CCDC85C: variants seen among roughly 807,000 people sequenced by gnomAD.
CCDC85C encodes coiled-coil domain containing 85C, also known as coiled-coil domain-containing protein 85C.
CCDC85C carries 18 observed loss-of-function variants against 38.3 expected under a neutral mutation model. The ratio of observed to expected loss-of-function variants is 0.47; its 90% CI spans 0.33 to 0.70. The LOEUF is 0.70. Ranked by LOEUF, CCDC85C falls within the 30% of genes least tolerant of loss-of-function variation. The pLI is 0.03. For missense variants in CCDC85C, 566 were observed against 621.2 expected (o/e 0.91, Z 0.94); for synonymous variants, 264 against 293.8 (o/e 0.90, Z 1.04).
intron 1 of CCDC85C, among the ~76,000 whole-genome samples, chr14:99,553,589 T>C (rs1167048249): frequency 1.3e-5 from 2 of 152,178 alleles, no homozygotes; most frequent in Non-Finnish European, 2.9e-5. Context: ...GGTCTCGAAC[T>C]CCTGACCTCA....
rs183725218 is a variant in CCDC85C at position 99,591,907 on chromosome 14, T to C, written c.793+11260A>G. ...GTACCACCATGCCCAGCTAATTTTG[T>C]ATTTTTAGTAGAGATGAGGTTTCAC... is the stretch of plus-strand genomic sequence containing the variant. On this transcript the variant is annotated intron_variant, in intron 1 of 5. Coordinates refer to ENST00000380243, the MANE Select transcript of CCDC85C (RefSeq NM_001144995.2). Among the ~76,000 whole-genome samples the C allele has an allele frequency of 2.7e-3, 412 of 152,136 alleles. 1 individual carries two copies. Among genetic ancestry groups the C allele is most frequent in the African/African-American group, 9.7e-3 (402 of 41,476 alleles).
In CCDC85C at chr14:99,535,583, G is replaced by C. The variant is rs1305351969; in HGVS notation, c.867+432C>G. Among the ~76,000 whole-genome samples the C allele has an allele frequency of 6.6e-6, 1 of 152,144 alleles. No homozygotes were observed. Among genetic ancestry groups the C allele is most frequent in the Non-Finnish European group, 1.5e-5 (1 of 68,012 alleles). On this transcript the variant is annotated intron_variant, in intron 2 of 5. Coordinates refer to ENST00000380243, the MANE Select transcript of CCDC85C (RefSeq NM_001144995.2). This position sits in a 1 kb window ranked among gnomAD's most constrained non-coding sequence, Gnocchi z 5.5. ...AGGGGTAGCAGCCTCATCTGTCTGT[G>C]GGTGAGGTCGGGCCCAGGAGGGAGG...
rs1443088474 is a variant in CCDC85C, at chr14:99,542,200, A to G, written c.794-6112T>C. ...ATTAAGAGGAGTCAGCTGCAGCCTC[A>G]GGGCTGGTGGCTCCATGAGGTGGAA... On this transcript the variant is annotated intron_variant, in intron 1 of 5. Transcript: ENST00000380243. 2.6e-5 allele frequency among the ~76,000 whole-genome samples: 4 copies of G among 152,360 alleles called. No individual in the cohort carries two copies. The East Asian group carries it at 7.7e-4, about 29-fold the overall frequency.
chr14:99,593,774 G>C (rs1005334324), intron 1 of CCDC85C, among the ~76,000 whole-genome samples: 3 of 152,240 alleles, frequency 2.0e-5, no homozygotes, highest in African/African-American at 7.2e-5. Context: ...TCCTGGCTCT[G>C]GCCACCCAGC....
At chr14:99,517,524 G>C (rs1042020752) in intron 3 of CCDC85C, among the ~76,000 whole-genome samples, 3 of 152,200 alleles carry the variant, frequency 2.0e-5, no homozygotes, top group Admixed American at 6.5e-5. Flanking sequence ...TCAGCCTAGG[G>C]AGGGCAAGAG....
At chr14:99,546,529 C>T (rs550699700) in intron 1 of CCDC85C, among the ~76,000 whole-genome samples, 1 of 152,226 alleles carries the variant, frequency 6.6e-6, no homozygotes, top group Non-Finnish European at 1.5e-5. Flanking sequence ...CATCTGGCAG[C>T]AGCAACACAT....
intron 1 of CCDC85C, among the ~76,000 whole-genome samples, chr14:99,589,533 A>T (rs766577587): frequency 9.9e-5 from 15 of 152,150 alleles, no homozygotes; most frequent in Non-Finnish European, 4.4e-5. Context: ...TCCTACCTGG[A>T]TTCTTCATCT....
Position 99,603,445 on chromosome 14 carries a change from C to T in CCDC85C, c.515G>A (p.Gly172Asp), listed in dbSNP as rs2055231145. 5 of 1,271,782 alleles carry T rather than the reference C, an allele frequency of 3.9e-6. No individual in the cohort carries two copies. The Admixed American group carries it at 1.2e-4, about 30-fold the overall frequency. The allele number at this position is 1,271,782 out of a possible 1,614,324, so 78.8% of individuals were successfully genotyped here. ...GATGGAGCTGCGGGAGCCGGCGCCGCCCCCGCCGCCGCCGCCACCGCTTGC... is the reference window on the plus strand; with the variant it reads ...GATGGAGCTGCGGGAGCCGGCGCCGTCCCCGCCGCCGCCGCCACCGCTTGC... ...GAASGGGGGG[G>D]GAGSRSSIDS... The change falls in exon 1 of 6, where the codon GGC (glycine) becomes GAC (aspartate). Residue 172 changes from glycine to aspartate, a missense_variant. Gly to Asp is a moderately conservative substitution (Grantham distance 94). This residue lies in a region of CCDC85C where 269 missense variants were observed against 308.2 expected (regional missense o/e 0.87). Transcript: ENST00000380243. This position sits in a 1 kb window ranked among gnomAD's most constrained non-coding sequence, Gnocchi z 7.5.
chr14:99,503,198 C>A lies in CCDC85C; in HGVS notation c.*12048G>T, dbSNP rs868561000. 5 of 701,516 alleles carry A rather than the reference C, an allele frequency of 7.1e-6. No individual in the cohort carries two copies. Among genetic ancestry groups the A allele is most frequent in the Middle Eastern group, 7.3e-4 (2 of 2,730 alleles). 43.5% of individuals were successfully genotyped at this position (701,516 alleles called of 1,614,324 possible). On this transcript the variant is annotated 3_prime_UTR_variant, in exon 6 of 6. Transcript: ENST00000380243. ...GAGAACCAGGAGGGGGCTCTCTGCC[C>A]GGCTCCAGCCCTGCTGCCTGTTTCA...
intron 1 of CCDC85C, among the ~76,000 whole-genome samples, chr14:99,538,887 C>T (rs1897658229): frequency 6.6e-6 from 1 of 152,188 alleles, no homozygotes; most frequent in Admixed American, 6.5e-5. Flanking sequence ...AATGCCCTGC[C>T]TGCCCATAGC....
intron 1 of CCDC85C, among the ~76,000 whole-genome samples, chr14:99,552,768 T>G (rs1172898916): frequency 6.6e-6 from 1 of 152,204 alleles, no homozygotes; most frequent in African/African-American, 2.4e-5. Context: ...ATCATCGCCC[T>G]TTGGACCCAA....
chr14:99,518,978 C>G (rs1287995343), intron 3 of CCDC85C, among the ~76,000 whole-genome samples: 1 of 152,156 alleles, frequency 6.6e-6, no homozygotes, highest in Non-Finnish European at 1.5e-5. Flanking sequence ...TACTAGAACT[C>G]AGCCCCCTCG....
At position 99,535,961 on chromosome 14, in the gene CCDC85C, G is replaced by A. The variant is rs2139918240; in HGVS notation, c.867+54C>T. On this transcript the variant is annotated intron_variant, in intron 2 of 5. Transcript: ENST00000380243. The surrounding 1 kb of genome is among the most constrained non-coding windows in gnomAD (Gnocchi z 5.5). Reference sequence around the variant, plus strand: ...GGAAGGGTGCCCTGGGTGAGCTGGAGGGGTGGGTGCTGGGTCGCGGTCCTC... The same window carrying A: ...GGAAGGGTGCCCTGGGTGAGCTGGAAGGGTGGGTGCTGGGTCGCGGTCCTC... The A allele has an allele frequency of 1.5e-6, 2 of 1,343,896 alleles. No individual in the cohort carries two copies. The highest frequency in any genetic ancestry group is 3.9e-5 in the Admixed American group (2 of 50,710). The allele number at this position is 1,343,896 out of a possible 1,614,324, so 83.2% of individuals were successfully genotyped here. A position where few individuals can be genotyped will look rare whatever the true frequency, so the allele number is the denominator to read the frequency against.
At chr14:99,561,772 G>GGAA (rs1389558664) in intron 1 of CCDC85C, among the ~76,000 whole-genome samples, 1 of 152,202 alleles carries the variant, frequency 6.6e-6, no homozygotes, top group Non-Finnish European at 1.5e-5. Context: ...GGTAAATGTG[G>GGAA]GAAGGGGGCA....
chr14:99,510,505 C>T lies in CCDC85C; in HGVS notation c.*4741G>A. ...AACCCGCCCCCGCCACCTGTGCCTC[C>T]TCCCCCAGCCTCCTTCCCCCCACCT... On this transcript the variant is annotated 3_prime_UTR_variant, in exon 6 of 6. Transcript: ENST00000380243. 1.3e-6 allele frequency: 1 copy of T among 762,448 alleles called. No individual in the cohort carries two copies. The highest frequency in any genetic ancestry group is 2.4e-5 in the African/African-American group (1 of 41,664). The allele number at this position is 762,448 out of a possible 1,614,324, so 47.2% of individuals were successfully genotyped here. A position where few individuals can be genotyped will look rare whatever the true frequency, so the allele number is the denominator to read the frequency against.
intron 1 of CCDC85C, among the ~76,000 whole-genome samples, chr14:99,551,677 G>T (rs1432272630): frequency 6.6e-6 from 1 of 151,526 alleles, no homozygotes; most frequent in African/African-American, 2.4e-5. Context: ...TGGGTGTGCA[G>T]GTGGGTGAGA....
rs1008064914 is a variant in CCDC85C at position 99,548,226 on chromosome 14, T to C, written c.794-12138A>G. ...AGAATCCCTAACATCAATAAGGAAA[T>C]ACATGGGAAGGGGCAGAGGTATAGG... On this transcript the variant is annotated intron_variant, in intron 1 of 5. Coordinates refer to ENST00000380243, the MANE Select transcript of CCDC85C (RefSeq NM_001144995.2). The surrounding 1 kb of genome is among the most constrained non-coding windows in gnomAD (Gnocchi z 4.9). Among the ~76,000 whole-genome samples the C allele has an allele frequency of 8.6e-5, 13 of 151,254 alleles. No individual in the cohort carries two copies. Among genetic ancestry groups the C allele is most frequent in the Admixed American group, 4.6e-4 (7 of 15,168 alleles).
chr14:99,536,339 C>A (rs1334132936), intron 1 of CCDC85C, among the ~76,000 whole-genome samples: 3 of 152,214 alleles, frequency 2.0e-5, no homozygotes, highest in Non-Finnish European at 4.4e-5. Context: ...CTTGCAGGAC[C>A]CGCTGCTGCC....
In CCDC85C at chr14:99,595,509, T is replaced by C. The variant is rs533344101; in HGVS notation, c.793+7658A>G. 2.6e-5 allele frequency among the ~76,000 whole-genome samples: 4 copies of C among 152,316 alleles called. No homozygotes were observed. In the East Asian group the frequency reaches 7.7e-4, roughly 29 times the overall value. On this transcript the variant is annotated intron_variant, in intron 1 of 5. Transcript: ENST00000380243. ...TGATCCGCCCAGCTCAGCTGTTCTT[T>C]CTGCGAAGCCTGGTCTCTCTTCTTA...
Sources: gnomAD v4.1 joint callset for allele counts (sites outside exome capture counted in the v4.1 genomes callset) on GRCh38, gnomAD v4.1.1 for gene constraint, gnomAD v4.1.1 regional missense constraint, Gnocchi (gnomAD v3.1) non-coding constraint, MANE v1.5 for transcripts, NCBI Gene and HGNC (gene_info 2026-07-23, HGNC 2026-07-21) for gene names.